The following DDX4 variants were observed in gnomAD, a reference collection of about 807,000 sequenced individuals.
DDX4 encodes probable ATP-dependent RNA helicase DDX4.
Under a neutral mutation model 100.0 loss-of-function variants are expected in DDX4, and 25 were observed. That is an observed-to-expected ratio of 0.25 (90% confidence interval 0.18 to 0.35). The LOEUF is 0.35. Among genes scored for constraint, DDX4 ranks in the 10% least tolerant of loss-of-function variants. The pLI is 1.00. For synonymous variants in DDX4, 259 were observed against 275.7 expected (o/e 0.94, Z 0.60); for missense variants, 635 against 882.4 (o/e 0.72, Z 3.55).
chr5:55,809,683 A>G (rs1425545693), intron 18 of DDX4, among the ~76,000 whole-genome samples: 3 of 152,206 alleles, frequency 2.0e-5, no homozygotes, highest in Admixed American at 1.3e-4. Context: ...ACAATGAAAG[A>G]CAAAATGGGA....
chr5:55,793,071 T>TGTGTGTGTGTTTGTGTG (rs757473435), intron 17 of DDX4, among the ~76,000 whole-genome samples: 2 of 150,056 alleles, frequency 1.3e-5, no homozygotes, highest in Admixed American at 1.4e-4. Flanking sequence ...TGTGTTGTTG[T>TGTGTGTGTGTTTGTGTG]TGTTGTTGCA....
chr5:55,744,647 A>G (rs1759159100), intron 2 of DDX4, among the ~76,000 whole-genome samples: 1 of 152,256 alleles, frequency 6.6e-6, no homozygotes, highest in Admixed American at 6.5e-5. Context: ...GTGTGTTAAT[A>G]GTAAATGATT....
intron 3 of DDX4, among the ~76,000 whole-genome samples, chr5:55,748,025 C>G (rs1410028369): frequency 2.6e-5 from 4 of 152,200 alleles, no homozygotes; most frequent in Non-Finnish European, 5.9e-5. Context: ...GTTTGAGAGT[C>G]AGTTTATCAG....
chr5:55,788,924 A>C (rs1742392812), intron 15 of DDX4, among the ~76,000 whole-genome samples: 1 of 152,100 alleles, frequency 6.6e-6, no homozygotes, highest in South Asian at 2.1e-4. Flanking sequence ...AAAACTAGCT[A>C]GGTGCAGTGG....
intron 18 of DDX4, 59 bp from the exon 19 acceptor site, chr5:55,813,614 C>T: frequency 2.0e-6 from 3 of 1,484,618 alleles, no homozygotes; most frequent in Non-Finnish European, 8.9e-7. Context: ...CCTATCCCTG[C>T]TTTATTTTTC....
chr5:55,783,798 C>A (rs1292442718), intron 10 of DDX4, among the ~76,000 whole-genome samples: 1 of 151,106 alleles, frequency 6.6e-6, no homozygotes, highest in Non-Finnish European at 1.5e-5. Flanking sequence ...CCAGGGAAAC[C>A]AGTAGTATTG....
At chr5:55,753,034 T>C (rs922768751) in intron 3 of DDX4, among the ~76,000 whole-genome samples, 1 of 151,870 alleles carries the variant, frequency 6.6e-6, no homozygotes, top group African/African-American at 2.4e-5. Flanking sequence ...TGGGATTGTT[T>C]GTTTTTTTCT....
At chr5:55,739,767 A>G (rs1758876179) in intron 2 of DDX4, among the ~76,000 whole-genome samples, 1 of 152,218 alleles carries the variant, frequency 6.6e-6, no homozygotes, top group Non-Finnish European at 1.5e-5. Context: ...ACAAAAATAT[A>G]AAATATGCAA....
At chr5:55,763,391 A>G (rs1740687785) in intron 5 of DDX4, 139 bp downstream of exon 5, 4 of 605,750 alleles carry the variant, frequency 6.6e-6, no homozygotes, top group South Asian at 2.3e-5. Context: ...TGCACTAAAG[A>G]TTATCTTATT....
intron 18 of DDX4, among the ~76,000 whole-genome samples, chr5:55,809,406 C>G (rs1262239241): frequency 1.3e-5 from 2 of 152,182 alleles, no homozygotes; most frequent in Non-Finnish European, 2.9e-5. Flanking sequence ...TTCTGCGTCA[C>G]TTATGCTGGG....
chr5:55,807,527 A>G (rs1360171472), intron 18 of DDX4, among the ~76,000 whole-genome samples: 9 of 152,154 alleles, frequency 5.9e-5, no homozygotes, highest in Non-Finnish European at 7.3e-5. Flanking sequence ...GGTGGTGACA[A>G]AATGTCTCAG....
At chr5:55,756,410 C>T (rs1055075349) in intron 3 of DDX4, among the ~76,000 whole-genome samples, 1 of 152,156 alleles carries the variant, frequency 6.6e-6, no homozygotes, top group Non-Finnish European at 1.5e-5. Flanking sequence ...GTTTCAGCTA[C>T]TTGGGGTAAT....
intron 18 of DDX4, among the ~76,000 whole-genome samples, chr5:55,806,041 A>G (rs1192228812): frequency 6.6e-6 from 1 of 151,910 alleles, no homozygotes; most frequent in Non-Finnish European, 1.5e-5. Context: ...CTTCTTCCTG[A>G]TTTAGTTTTG....
intron 6 of DDX4, 55 bp from the exon 7 acceptor site, chr5:55,767,826 T>C (rs1391339550): frequency 1.5e-6 from 2 of 1,330,626 alleles, no homozygotes; most frequent in Non-Finnish European, 2.1e-6. Flanking sequence ...ATTCTTTATA[T>C]ATTGCATCAT....
rs181366204 is a variant in DDX4, at chr5:55,761,597, A to G, written c.205+1320A>G. On this transcript the variant is annotated intron_variant, in intron 4 of 21. Transcript: ENST00000505374. ...ATATGATTCTTCTAACATTTTATAT[A>G]GTTTCCTTTTTTTTTTCTTTTTCTT... is the stretch of plus-strand genomic sequence containing the variant. 3.6e-3 allele frequency among the ~76,000 whole-genome samples: 537 copies of G among 149,414 alleles called. 4 individuals carry two copies. The highest frequency in any genetic ancestry group is 5.8e-3 in the Admixed American group (82 of 14,218).
chr5:55,807,934 C>T (rs911685010), intron 18 of DDX4, among the ~76,000 whole-genome samples: 2 of 152,208 alleles, frequency 1.3e-5, no homozygotes, highest in African/African-American at 4.8e-5. Flanking sequence ...CTTCCATTCT[C>T]CCTGTCACTT....
intron 15 of DDX4, among the ~76,000 whole-genome samples, chr5:55,788,364 A>C (rs1742361931): frequency 6.6e-6 from 1 of 152,024 alleles, no homozygotes; most frequent in South Asian, 2.1e-4. Flanking sequence ...TTGTCCTAGG[A>C]GTTTAGGAGG....
intron 18 of DDX4, among the ~76,000 whole-genome samples, chr5:55,812,541 C>T (rs186352515): frequency 1.3e-4 from 17 of 127,476 alleles, no homozygotes; most frequent in East Asian, 5.0e-4. Flanking sequence ...TCCAGCAAGC[C>T]GAGATTGCGC....
At position 55,760,255 on chromosome 5, in the gene DDX4, TGGGC is replaced by T. The variant is rs1740437455; in HGVS notation, c.186_189del (p.Arg63IlefsTer99). On this transcript the variant is annotated frameshift_variant, in exon 4 of 22. Coordinates refer to ENST00000505374, the MANE Select transcript of DDX4 (RefSeq NM_024415.3). LOFTEE classifies it high-confidence loss of function. ...ATTTCATGAAAAGTGGATTTGCCTC[TGGGC>T]GGAATTTTGGAAACAGAGGTAAGCA... The T allele has an allele frequency of 1.3e-6, 2 of 1,570,882 alleles. No homozygotes were observed. The highest frequency in any genetic ancestry group is 4.0e-5 in the Admixed American group (2 of 50,182).
Sources: allele counts gnomAD v4.1 joint callset (sites outside exome capture counted in the v4.1 genomes callset), GRCh38; gene constraint gnomAD v4.1.1; transcripts MANE v1.5; gene names NCBI Gene and HGNC (gene_info 2026-07-23, HGNC 2026-07-21).